Variants in PDE11A observed in about 807,000 individuals in gnomAD.
The protein encoded by PDE11A is phosphodiesterase 11A.
A neutral mutation model predicts 100.5 loss-of-function variants in PDE11A; 100 were observed. That is an observed-to-expected ratio of 1.00 (90% CI 0.85 to 1.18). The LOEUF (loss-of-function observed/expected upper bound fraction) is 1.18. PDE11A is among the 50% of genes most tolerant of loss of function. The probability of loss-of-function intolerance (pLI) is 0.00; values close to 1 mark genes in which losing one functional copy is unlikely to be tolerated. For synonymous variants in PDE11A, 381 were observed against 420.8 expected (o/e 0.91, Z 1.16); for missense variants, 1,141 against 1,152.6 (o/e 0.99, Z 0.15).
chr2:177,651,282 A>G lies in PDE11A; in HGVS notation c.2646+12584T>C, dbSNP rs563719682. Among the ~76,000 whole-genome samples, 21 of 152,360 alleles carry G rather than the reference A, an allele frequency of 1.4e-4. 1 individual carries two copies. The South Asian group carries it at 3.1e-3, about 23-fold the overall frequency. Reference sequence around the variant, plus strand: ...TTGAGAGATGATATTAATGATAACAATAGTGACTCACATGCTGGAGGGCTT... The same window carrying G: ...TTGAGAGATGATATTAATGATAACAGTAGTGACTCACATGCTGGAGGGCTT... On this transcript the variant is annotated intron_variant, in intron 19 of 19. Transcript: ENST00000286063.
At chr2:178,065,019 C>T (rs1308010413) in intron 1 of PDE11A, among the ~76,000 whole-genome samples, 1 of 151,840 alleles carries the variant, frequency 6.6e-6, no homozygotes, top group African/African-American at 2.4e-5. Flanking sequence ...TTTTTAATGC[C>T]AGAAAACCTT....
At chr2:177,918,096 T>C (rs367545235) in intron 2 of PDE11A, among the ~76,000 whole-genome samples, 3 of 152,328 alleles carry the variant, frequency 2.0e-5, no homozygotes, top group African/African-American at 4.8e-5. Context: ...GCTTTAAAGT[T>C]TGGCCTAACA....
chr2:177,719,181 A>C (rs1441049625), intron 12 of PDE11A, among the ~76,000 whole-genome samples: 1 of 152,116 alleles, frequency 6.6e-6, no homozygotes, highest in Non-Finnish European at 1.5e-5. Context: ...AATCTGAGAA[A>C]ATGATGCCAG....
At position 177,706,542 on chromosome 2, in the gene PDE11A, A is replaced by G. The variant is rs959816230; in HGVS notation, c.2153+5227T>C. On this transcript the variant is annotated intron_variant, in intron 13 of 19. Coordinates refer to ENST00000286063, the MANE Select transcript of PDE11A (RefSeq NM_016953.4). The stretch of plus-strand genomic sequence containing the variant: ...CTGAATAAATCTCATTCTAATCAAT[A>G]AAAAGGTAGTTCCTTGACCATGATG... 8.5e-5 allele frequency among the ~76,000 whole-genome samples: 13 copies of G among 152,340 alleles called. 1 individual carries two copies. The highest frequency in any genetic ancestry group is 8.5e-4 in the Admixed American group (13 of 15,304).
At chr2:177,750,083 T>C (rs73030347) in intron 10 of PDE11A, among the ~76,000 whole-genome samples, 1,977 of 152,302 alleles carry the variant, frequency 0.013, 41 homozygotes, top group African/African-American at 0.045. Flanking sequence ...GGCAGTTAGA[T>C]AGTTAGTACA....
intron 4 of PDE11A, among the ~76,000 whole-genome samples, chr2:177,895,071 G>T (rs1042043075): frequency 2.0e-5 from 3 of 151,638 alleles, no homozygotes; most frequent in African/African-American, 7.3e-5. Context: ...CTCAGAATAA[G>T]CCTGTTTACC....
At chr2:177,640,716 A>G (rs2080128930) in intron 19 of PDE11A, among the ~76,000 whole-genome samples, 1 of 152,220 alleles carries the variant, frequency 6.6e-6, no homozygotes, top group Admixed American at 6.5e-5. Flanking sequence ...TTGGCTTTCC[A>G]GCCTTCTACT....
intron 2 of PDE11A, among the ~76,000 whole-genome samples, chr2:177,988,607 A>C (rs1429343637): frequency 6.6e-6 from 1 of 152,192 alleles, no homozygotes; most frequent in Non-Finnish European, 1.5e-5. Context: ...ATTTTTGAAC[A>C]AGGGTCCCAG....
At chr2:177,865,257 AAC>A (rs1408754172) in intron 5 of PDE11A, among the ~76,000 whole-genome samples, 3 of 152,156 alleles carry the variant, frequency 2.0e-5, no homozygotes, top group African/African-American at 7.2e-5. Flanking sequence ...TAGCCTGGGC[AAC>A]AGAGTGAGAC....
intron 2 of PDE11A, among the ~76,000 whole-genome samples, chr2:177,945,799 G>A (rs1238466557): frequency 2.0e-5 from 3 of 148,732 alleles, no homozygotes; most frequent in Admixed American, 1.3e-4. Context: ...CCCCCCGCCC[G>A]GCCAGCCGTG....
chr2:177,931,229 C>T (rs879810824), intron 2 of PDE11A, among the ~76,000 whole-genome samples: 9 of 152,146 alleles, frequency 5.9e-5, no homozygotes, highest in Non-Finnish European at 1.2e-4. Flanking sequence ...TTGTTGTCAA[C>T]GTTCTATTTT....
intron 2 of PDE11A, among the ~76,000 whole-genome samples, chr2:177,938,347 A>T (rs2085303977): frequency 6.6e-6 from 1 of 152,132 alleles, no homozygotes; most frequent in South Asian, 2.1e-4. Flanking sequence ...CTCTTCAAGG[A>T]CGTCCATCCA....
At chr2:177,816,539 TC>T (rs1419786435) in intron 9 of PDE11A, among the ~76,000 whole-genome samples, 1 of 152,228 alleles carries the variant, frequency 6.6e-6, no homozygotes, top group African/African-American at 2.4e-5. Flanking sequence ...AAATTTGAAA[TC>T]CTGCCAAATT....
rs745405038 is a variant in PDE11A, at chr2:177,629,475, G to A, written c.2734C>T (p.Arg912Ter). Residue 912 changes from arginine to a stop codon, truncating the protein, a stop_gained, in exon 20 of 20, where the codon CGA (arginine) becomes TGA (stop). Coordinates refer to ENST00000286063, the MANE Select transcript of PDE11A (RefSeq NM_016953.4). LOFTEE classifies it low-confidence loss of function (END_TRUNC). ...GATGAGGCAGTTGAGGCCAGCAGTC[G>A]TTTTTGGTGTAGCTCTTCCCACTTA... is the stretch of plus-strand genomic sequence containing the variant. Reference protein sequence around the residue: ...RSKWEELHQKRLLASTASSSP... With the variant: ...RSKWEELHQK 2.7e-5 allele frequency: 43 copies of A among 1,613,076 alleles called. No homozygotes were observed. In the Admixed American group the frequency reaches 3.7e-4, roughly 14 times the overall value.
intron 1 of PDE11A, among the ~76,000 whole-genome samples, chr2:178,020,697 C>T (rs1339797881): frequency 2.6e-5 from 4 of 152,000 alleles, no homozygotes. Flanking sequence ...ACTCGGCAGG[C>T]TGAGTCAGGA....
intron 9 of PDE11A, among the ~76,000 whole-genome samples, chr2:177,772,367 G>A (rs1400701636): frequency 1.3e-5 from 2 of 152,126 alleles, no homozygotes; most frequent in Non-Finnish European, 2.9e-5. Context: ...CACACAAATA[G>A]CCAACTTATA....
chr2:177,886,683 T>A (rs2084436430), intron 4 of PDE11A, among the ~76,000 whole-genome samples: 1 of 152,200 alleles, frequency 6.6e-6, no homozygotes. Flanking sequence ...ACTTTTATTT[T>A]CCTGAATGAT....
intron 10 of PDE11A, among the ~76,000 whole-genome samples, chr2:177,761,054 C>G (rs115584961): frequency 6.6e-6 from 1 of 152,048 alleles, no homozygotes; most frequent in Non-Finnish European, 1.5e-5. Context: ...ATTTAGTCAG[C>G]AGGGTGGTGG....
chr2:177,772,030 A>AAT (rs1165713650), intron 9 of PDE11A, among the ~76,000 whole-genome samples: 5 of 151,232 alleles, frequency 3.3e-5, no homozygotes, highest in African/African-American at 1.2e-4. Context: ...TAAATAAATA[A>AAT]AAATAATGCT....
Sources: gnomAD v4.1 joint callset for allele counts (sites outside exome capture counted in the v4.1 genomes callset) on GRCh38, gnomAD v4.1.1 for gene constraint, MANE v1.5 for transcripts, NCBI Gene and HGNC (gene_info 2026-07-23, HGNC 2026-07-21) for gene names.